Variants in GAB2 observed in about 807,000 individuals in gnomAD.
The protein encoded by GAB2 is GRB2-associated-binding protein 2.
A neutral mutation model predicts 65.5 loss-of-function variants in GAB2; 26 were observed. The observed-to-expected ratio is 0.40, with a 90% CI of 0.29 to 0.55. The LOEUF (loss-of-function observed/expected upper bound fraction) is 0.55. GAB2 is among the 20% of genes least tolerant of loss of function. The pLI is 0.53. For synonymous variants in GAB2, 321 were observed against 329.6 expected, an observed-to-expected ratio of 0.97 and a Z score of 0.28; for missense variants, 884 against 875.8, an observed-to-expected ratio of 1.01 and a Z score of -0.12.
intron 1 of GAB2, among the ~76,000 whole-genome samples, chr11:78,287,073 G>T (rs1434996699): frequency 1.3e-5 from 2 of 152,174 alleles, no homozygotes; most frequent in African/African-American, 4.8e-5. Context: ...AGGAGGTAAG[G>T]CTGATTCCAT....
At chr11:78,332,035 G>A (rs1855923964) in intron 1 of GAB2, among the ~76,000 whole-genome samples, 1 of 152,168 alleles carries the variant, frequency 6.6e-6, no homozygotes, top group Non-Finnish European at 1.5e-5. Context: ...TTTGCCTCTA[G>A]GAAAAGACAA....
intron 1 of GAB2, among the ~76,000 whole-genome samples, chr11:78,367,811 TTTTC>T (rs368771530): frequency 0.023 from 3,447 of 148,718 alleles, 119 homozygotes; most frequent in African/African-American, 0.075. Flanking sequence ...CAGTGCTTAA[TTTTC>T]TTTTTCTTTT....
intron 3 of GAB2, among the ~76,000 whole-genome samples, chr11:78,248,968 G>A (rs772874800): frequency 2.0e-5 from 3 of 152,204 alleles, no homozygotes; most frequent in Non-Finnish European, 4.4e-5. Flanking sequence ...TGTATAAGTT[G>A]ATGGAAGTTG....
At chr11:78,325,611 G>T (rs894159034) in intron 1 of GAB2, among the ~76,000 whole-genome samples, 1 of 152,160 alleles carries the variant, frequency 6.6e-6, no homozygotes, top group Non-Finnish European at 1.5e-5. Context: ...AGCCCTGGGG[G>T]TTTATGATGC....
chr11:78,293,383 A>G lies in GAB2; in HGVS notation c.76-12482T>C, dbSNP rs112995181. ...GGACTTGATACTTCCAAAGCACTATATAACTGTTCAATGAAAGTTATACCA... is the reference window on the plus strand; with the variant it reads ...GGACTTGATACTTCCAAAGCACTATGTAACTGTTCAATGAAAGTTATACCA... On this transcript the variant is annotated intron_variant, in intron 1 of 9. Coordinates refer to ENST00000361507, the MANE Select transcript of GAB2 (RefSeq NM_080491.3). Among the ~76,000 whole-genome samples the G allele has an allele frequency of 9.7e-3, 1,472 of 152,314 alleles. 14 individuals are homozygous for G. The highest frequency in any genetic ancestry group is 0.03 in the South Asian group (143 of 4,828).
At chr11:78,345,873 G>A (rs1455233822) in intron 1 of GAB2, among the ~76,000 whole-genome samples, 1 of 152,192 alleles carries the variant, frequency 6.6e-6, no homozygotes, top group African/African-American at 2.4e-5. Flanking sequence ...AAAGATTGGT[G>A]TTTCTCAGGG....
At chr11:78,402,697 C>T (rs939574592) in intron 1 of GAB2, among the ~76,000 whole-genome samples, 11 of 151,998 alleles carry the variant, frequency 7.2e-5, no homozygotes, top group East Asian at 1.9e-4. Context: ...GTGACCTGCC[C>T]GCCTCGGCCA....
At chr11:78,336,050 A>G (rs1855991993) in intron 1 of GAB2, among the ~76,000 whole-genome samples, 1 of 152,078 alleles carries the variant, frequency 6.6e-6, no homozygotes, top group Non-Finnish European at 1.5e-5. Context: ...ATGGTGGCTC[A>G]CACCTGCAAT....
At chr11:78,309,451 C>T (rs999690390) in intron 1 of GAB2, among the ~76,000 whole-genome samples, 1 of 139,600 alleles carries the variant, frequency 7.2e-6, no homozygotes, top group African/African-American at 2.6e-5. Context: ...TGTGGTTAAA[C>T]CCTGCCCCCT....
chr11:78,246,822 A>G (rs1375347839), intron 3 of GAB2, among the ~76,000 whole-genome samples: 1 of 152,088 alleles, frequency 6.6e-6, no homozygotes, highest in Non-Finnish European at 1.5e-5. Flanking sequence ...TTTATAGGAA[A>G]TCAACCTGGT....
chr11:78,256,370 CA>C (rs1241520833), intron 2 of GAB2, among the ~76,000 whole-genome samples: 1 of 152,196 alleles, frequency 6.6e-6, no homozygotes, highest in African/African-American at 2.4e-5. Flanking sequence ...ACAGGCTTCC[CA>C]GGGGTGATTG....
chr11:78,284,182 A>G (rs2134592226), intron 1 of GAB2, among the ~76,000 whole-genome samples: 1 of 152,256 alleles, frequency 6.6e-6, no homozygotes, highest in East Asian at 1.9e-4. Flanking sequence ...ATCTAACCCA[A>G]AAGCAAATCC....
At chr11:78,364,739 G>A (rs1002665664) in intron 1 of GAB2, among the ~76,000 whole-genome samples, 2 of 152,048 alleles carry the variant, frequency 1.3e-5, no homozygotes, top group African/African-American at 4.8e-5. Context: ...CTTCAAAAAA[G>A]CATAAACCAG....
At chr11:78,291,361 G>C (rs1276498935) in intron 1 of GAB2, among the ~76,000 whole-genome samples, 1 of 150,532 alleles carries the variant, frequency 6.6e-6, no homozygotes, top group African/African-American at 2.4e-5. Flanking sequence ...AGCTACTCGG[G>C]AGGCTGAGGC....
intron 1 of GAB2, among the ~76,000 whole-genome samples, chr11:78,315,287 C>G (rs987533768): frequency 6.6e-6 from 1 of 152,192 alleles, no homozygotes; most frequent in African/African-American, 2.4e-5. Context: ...GGCTTTCCCC[C>G]CTTTTTAATG....
intron 3 of GAB2, among the ~76,000 whole-genome samples, chr11:78,248,391 C>A (rs1438664635): frequency 6.6e-6 from 1 of 152,170 alleles, no homozygotes; most frequent in African/African-American, 2.4e-5. Flanking sequence ...ACAATCTGTG[C>A]TGGTATCATC....
chr11:78,313,494 T>G (rs1008740405), intron 1 of GAB2, among the ~76,000 whole-genome samples: 4 of 152,178 alleles, frequency 2.6e-5, no homozygotes, highest in Admixed American at 2.6e-4. Flanking sequence ...GAACAGGACA[T>G]AGAACTCTGG....
At chr11:78,402,603 G>A (rs1021793611) in intron 1 of GAB2, among the ~76,000 whole-genome samples, 46 of 112,598 alleles carry the variant, frequency 4.1e-4, no homozygotes, top group African/African-American at 1.3e-3. Context: ...TTACAGGCAC[G>A]TACCACCACG....
At position 78,417,791 on chromosome 11, in the gene GAB2, C is replaced by T. The variant is rs999897491; in HGVS notation, c.-71G>A. 3.0e-5 allele frequency: 25 copies of T among 834,234 alleles called. 1 individual carries two copies. The African/African-American group carries it at 4.1e-4, about 14-fold the overall frequency. 51.7% of individuals were successfully genotyped at this position (834,234 alleles called of 1,614,324 possible). A position where few individuals can be genotyped will look rare whatever the true frequency, so the allele number is the denominator to read the frequency against. Reference sequence around the variant, plus strand: ...GGGCTCGGGCAGCTGGGGCAGCGGCCGGCGGTGCGCAGCTCGCGGGAGGCC... The same window carrying T: ...GGGCTCGGGCAGCTGGGGCAGCGGCTGGCGGTGCGCAGCTCGCGGGAGGCC... On this transcript the variant is annotated 5_prime_UTR_variant, in exon 1 of 10. Coordinates refer to ENST00000361507, the MANE Select transcript of GAB2 (RefSeq NM_080491.3).
Sources: allele counts gnomAD v4.1 joint callset (sites outside exome capture counted in the v4.1 genomes callset), GRCh38; gene constraint gnomAD v4.1.1; transcripts MANE v1.5; gene names NCBI Gene and HGNC (gene_info 2026-07-23, HGNC 2026-07-21).